Variants in CACNA2D3 observed in about 807,000 individuals in gnomAD.
CACNA2D3 encodes voltage-dependent calcium channel subunit alpha-2/delta-3.
In CACNA2D3, 60 loss-of-function variants were observed where a neutral mutation model predicts 160.6. The ratio of observed to expected loss-of-function variants is 0.37; its 90% CI spans 0.30 to 0.46. The LOEUF (loss-of-function observed/expected upper bound fraction) is 0.46. CACNA2D3 is among the 20% of genes least tolerant of loss of function. The pLI, the probability that CACNA2D3 is intolerant of heterozygous loss-of-function variation, is 1.00. For synonymous variants in CACNA2D3, 558 were observed against 492.9 expected (o/e 1.13, Z -1.75); for missense variants, 1,205 against 1,365.0 (o/e 0.88, Z 1.85).
intron 13 of CACNA2D3, among the ~76,000 whole-genome samples, chr3:54,815,309 A>G (rs1703422620): frequency 6.6e-6 from 1 of 152,342 alleles, no homozygotes; most frequent in Middle Eastern, 3.4e-3. Context: ...TGCTTTTCAT[A>G]GACATTCTCA....
Position 55,074,470 on chromosome 3 carries a change from A to T in CACNA2D3, c.*264A>T. On this transcript the variant is annotated 3_prime_UTR_variant, in exon 38 of 38. Coordinates refer to ENST00000474759, the MANE Select transcript of CACNA2D3 (RefSeq NM_018398.3). ...ACCCTTCATCAGAAATGGGACCGCA[A>T]GTGGTAGGCAGTGTCCCTTCTGCTT... The T allele has an allele frequency of 4.3e-6, 2 of 468,544 alleles. No homozygotes were observed. The highest frequency in any genetic ancestry group is 8.0e-5 in the East Asian group (2 of 25,060). The allele number at this position is 468,544 out of a possible 1,614,324, so 29.0% of individuals were successfully genotyped here. A position where few individuals can be genotyped will look rare whatever the true frequency, so the allele number is the denominator to read the frequency against.
intron 2 of CACNA2D3, among the ~76,000 whole-genome samples, chr3:54,190,991 C>G (rs1700969298): frequency 6.7e-6 from 1 of 149,302 alleles, no homozygotes; most frequent in South Asian, 2.1e-4. Flanking sequence ...GGGATAATAC[C>G]AGAACCTGCC....
intron 4 of CACNA2D3, among the ~76,000 whole-genome samples, chr3:54,448,076 A>T (rs1373241825): frequency 6.6e-6 from 1 of 152,148 alleles, no homozygotes; most frequent in Non-Finnish European, 1.5e-5. Flanking sequence ...ACGACACCAG[A>T]ATCCTACTTT....
chr3:54,468,364 T>C (rs1700666194), intron 4 of CACNA2D3, among the ~76,000 whole-genome samples: 1 of 152,136 alleles, frequency 6.6e-6, no homozygotes, highest in African/African-American at 2.4e-5. Context: ...AGGGAAGCCA[T>C]GAGGGACTGT....
In CACNA2D3 at chr3:55,033,781, T is replaced by C. The variant is rs1431998929; in HGVS notation, c.2987+15464T>C. The stretch of plus-strand genomic sequence containing the variant: ...AATATATATTATATAATATGTATTA[T>C]ATATTAAATATATTTTATATAATAT... On this transcript the variant is annotated intron_variant, in intron 35 of 37. Transcript: ENST00000474759. Among the ~76,000 whole-genome samples the C allele has an allele frequency of 3.8e-5, 5 of 132,770 alleles. 1 individual carries two copies. Among genetic ancestry groups the C allele is most frequent in the Non-Finnish European group, 7.9e-5 (5 of 63,644 alleles). The allele number at this position is 132,770 out of a possible 152,430, so 87.1% of individuals were successfully genotyped here.
intron 11 of CACNA2D3, among the ~76,000 whole-genome samples, chr3:54,699,656 T>C (rs574118917): frequency 4.5e-4 from 69 of 152,312 alleles, no homozygotes; most frequent in African/African-American, 1.6e-3. Context: ...ATTGGGACTT[T>C]TATCAGACTG....
At chr3:54,689,971 G>A (rs1036371171) in intron 11 of CACNA2D3, among the ~76,000 whole-genome samples, 25 of 152,106 alleles carry the variant, frequency 1.6e-4, no homozygotes, top group African/African-American at 5.8e-4. Flanking sequence ...TTTCATTCAT[G>A]TGTCTCCAGC....
Position 54,503,661 on chromosome 3 carries a change from CT to C in CACNA2D3, c.544+8del. 1 of 1,612,234 alleles carries C rather than the reference CT, an allele frequency of 6.2e-7. No homozygotes were observed. The highest frequency in any genetic ancestry group is 1.7e-4 in the Middle Eastern group (1 of 6,052). The stretch of plus-strand genomic sequence containing the variant: ...ACGAACATGTACAACAAAGGTAAGA[CT>C]CCCAGCCACTGCTCCTTTTAGAAGG... On this transcript the variant is annotated splice_region_variant and intron_variant, in intron 5 of 37. Coordinates refer to ENST00000474759, the MANE Select transcript of CACNA2D3 (RefSeq NM_018398.3).
At chr3:54,576,895 G>T (rs1348291196) in intron 8 of CACNA2D3, among the ~76,000 whole-genome samples, 1 of 152,114 alleles carries the variant, frequency 6.6e-6, no homozygotes, top group Non-Finnish European at 1.5e-5. Context: ...AAATTAGCTG[G>T]ACGTGGTGGC....
intron 8 of CACNA2D3, among the ~76,000 whole-genome samples, chr3:54,579,891 T>G (rs1702645575): frequency 6.6e-6 from 1 of 152,358 alleles, no homozygotes; most frequent in Admixed American, 6.5e-5. Flanking sequence ...AGAAGATATT[T>G]AAGCCCTCAA....
intron 9 of CACNA2D3, among the ~76,000 whole-genome samples, chr3:54,612,195 T>C (rs1271343407): frequency 6.6e-6 from 1 of 152,148 alleles, no homozygotes; most frequent in Non-Finnish European, 1.5e-5. Flanking sequence ...TAAGGTGGGT[T>C]CCATAAAGCA....
intron 2 of CACNA2D3, among the ~76,000 whole-genome samples, chr3:54,136,753 C>A (rs1431972215): frequency 6.6e-6 from 1 of 152,224 alleles, no homozygotes; most frequent in Non-Finnish European, 1.5e-5. Flanking sequence ...CTTTAGCCTG[C>A]AGAAATGTTA....
intron 24 of CACNA2D3, among the ~76,000 whole-genome samples, chr3:54,890,321 G>A (rs925315534): frequency 4.0e-5 from 6 of 151,660 alleles, no homozygotes; most frequent in African/African-American, 7.3e-5. Flanking sequence ...ACAGTGAAAC[G>A]CTGTCTCTAC....
intron 4 of CACNA2D3, among the ~76,000 whole-genome samples, chr3:54,463,843 C>T (rs956592461): frequency 6.6e-5 from 10 of 152,170 alleles, no homozygotes; most frequent in Non-Finnish European, 1.2e-4. Context: ...GGAGGAGAGG[C>T]GCTCTGCTTT....
chr3:54,349,724 T>C (rs1311899201), intron 3 of CACNA2D3, among the ~76,000 whole-genome samples: 1 of 152,186 alleles, frequency 6.6e-6, no homozygotes, highest in African/African-American at 2.4e-5. Flanking sequence ...CGTCTTCCCA[T>C]GATAGCAGGC....
In CACNA2D3 at chr3:54,924,996, A is replaced by T. The variant is rs768196636; in HGVS notation, c.2449+25128A>T. ...ATTGTTGGACAAGTTTAAGGTCATG[A>T]GCCATGGCACTGACCTAAATGCAAA... On this transcript the variant is annotated intron_variant, in intron 27 of 37. Coordinates refer to ENST00000474759, the MANE Select transcript of CACNA2D3 (RefSeq NM_018398.3). The T allele has an allele frequency of 1.9e-6, 3 of 1,613,886 alleles. No homozygotes were observed. The Admixed American group carries it at 5.0e-5, about 27-fold the overall frequency.
At chr3:54,769,204 C>T (rs931080346) in intron 13 of CACNA2D3, among the ~76,000 whole-genome samples, 5 of 152,014 alleles carry the variant, frequency 3.3e-5, no homozygotes, top group Admixed American at 3.3e-4. Flanking sequence ...AACTTTGGAA[C>T]CACCCAGAAG....
At chr3:54,853,043 C>G (rs1037842310) in intron 17 of CACNA2D3, among the ~76,000 whole-genome samples, 18 of 152,122 alleles carry the variant, frequency 1.2e-4, no homozygotes, top group Non-Finnish European at 1.9e-4. Context: ...CCTTCCTGCT[C>G]CAAATTCTCA....
chr3:54,768,799 G>A (rs1020762160), intron 13 of CACNA2D3, among the ~76,000 whole-genome samples: 2 of 152,082 alleles, frequency 1.3e-5, no homozygotes, highest in African/African-American at 4.8e-5. Context: ...ACAAAATCAG[G>A]TTATCCCTAA....
Sources: gnomAD v4.1 joint callset for allele counts (sites outside exome capture counted in the v4.1 genomes callset) on GRCh38, gnomAD v4.1.1 for gene constraint, MANE v1.5 for transcripts, NCBI Gene and HGNC (gene_info 2026-07-23, HGNC 2026-07-21) for gene names.